The following RIC3 variants were observed in gnomAD, a reference collection of about 807,000 sequenced individuals.
The protein encoded by RIC3 is protein RIC-3.
RIC3 carries 28 observed loss-of-function variants against 27.3 expected under a neutral mutation model. The observed-to-expected ratio is 1.02, with a 90% CI of 0.76 to 1.41. The LOEUF (loss-of-function observed/expected upper bound fraction) is 1.41. Among genes scored for constraint, RIC3 ranks in the 40% most tolerant of loss-of-function variants. The pLI, the probability that RIC3 is intolerant of heterozygous loss-of-function variation, is 0.00. For missense variants in RIC3, 501 were observed against 444.7 expected, an observed-to-expected ratio of 1.13 and a Z score of -1.14; for synonymous variants, 184 against 160.4, an observed-to-expected ratio of 1.15 and a Z score of -1.11.
rs575704555 is a variant in RIC3 at position 8,108,339 on chromosome 11, C to T, written c.*2359G>A. The stretch of plus-strand genomic sequence containing the variant: ...GTTCTTTGCATGCCTCAAGGCCCAC[C>T]TCCCAAGAAACTGTGAAGTTTCTTG... On this transcript the variant is annotated 3_prime_UTR_variant, in exon 6 of 6. Transcript: ENST00000309737. 6.6e-6 allele frequency: 1 copy of T among 152,178 alleles called. No homozygotes were observed. The highest frequency in any genetic ancestry group is 1.5e-5 in the Non-Finnish European group (1 of 68,034). 9.4% of individuals were successfully genotyped at this position (152,178 alleles called of 1,614,324 possible).
chr11:8,155,009 A>AG (rs780232252), intron 1 of RIC3, among the ~76,000 whole-genome samples: 1 of 152,104 alleles, frequency 6.6e-6, no homozygotes, highest in Non-Finnish European at 1.5e-5. Flanking sequence ...GCTTGAGCCC[A>AG]GGAGTTCAAG....
chr11:8,097,180 GCTGC>G, the RIC3 span: 1 of 1,602,110 alleles, frequency 6.2e-7, no homozygotes. Flanking sequence ...ACCAATTTGG[GCTGC>G]TTAGGGTCCT....
intron 5 of RIC3, among the ~76,000 whole-genome samples, chr11:8,114,646 A>G (rs1564968150): frequency 2.0e-5 from 3 of 151,852 alleles, no homozygotes; most frequent in Admixed American, 2.0e-4. Flanking sequence ...AAGAAGACAC[A>G]TGAACTGCCT....
downstream of RIC3, chr11:8,102,561 A>C (rs1283199995): frequency 1.3e-5 from 2 of 152,162 alleles, no homozygotes; most frequent in African/African-American, 4.8e-5. Context: ...GCTGCCAGAG[A>C]ACCATTCCCA....
Position 8,108,134 on chromosome 11 carries a change from C to T in RIC3, c.*2564G>A, listed in dbSNP as rs767959848. On this transcript the variant is annotated 3_prime_UTR_variant, in exon 6 of 6. Transcript: ENST00000309737. ...CAAGAGCTAGGGCAGGAAGAACCAC[C>T]ATAAGGGCTTAGTACTTCTGGCAGG... The T allele has an allele frequency of 6.6e-6, 1 of 152,200 alleles. No individual in the cohort carries two copies. Among genetic ancestry groups the T allele is most frequent in the African/African-American group, 2.4e-5 (1 of 41,444 alleles). 9.4% of individuals were successfully genotyped at this position (152,200 alleles called of 1,614,324 possible). A position where few individuals can be genotyped will look rare whatever the true frequency, so the allele number is the denominator to read the frequency against.
chr11:8,100,457 G>A, the RIC3 span: 2 of 1,502,150 alleles, frequency 1.3e-6, no homozygotes, highest in African/African-American at 1.4e-5. Context: ...TTCTCCAGTA[G>A]GTAAATAGAC....
chr11:8,094,262 C>A, the RIC3 span: 1 of 1,502,176 alleles, frequency 6.7e-7, no homozygotes, highest in South Asian at 1.3e-5. Context: ...GGTTTGTCCT[C>A]CTGACTTGGA....
Position 8,110,538 on chromosome 11 carries a change from G to A in RIC3, c.*160C>T, listed in dbSNP as rs1188958125. 3 of 728,302 alleles carry A rather than the reference G, an allele frequency of 4.1e-6. No homozygotes were observed. The highest frequency in any genetic ancestry group is 2.0e-5 in the Admixed American group (1 of 50,612). The allele number at this position is 728,302 out of a possible 1,614,324, so 45.1% of individuals were successfully genotyped here. On this transcript the variant is annotated 3_prime_UTR_variant, in exon 6 of 6. Transcript: ENST00000309737. The stretch of plus-strand genomic sequence containing the variant: ...CCGTGTTTTACAAGGTGACAGGTGT[G>A]TGAGCACCAGGAAGGATACATGATA...
chr11:8,097,218 A>G, the RIC3 span: 1 of 1,613,750 alleles, frequency 6.2e-7, no homozygotes, highest in Non-Finnish European at 8.5e-7. Context: ...CCTATTCTGC[A>G]TCCCCATAGG....
At chr11:8,093,061 G>T in the RIC3 span, among the ~76,000 whole-genome samples, 2 of 152,150 alleles carry the variant, frequency 1.3e-5, no homozygotes, top group Non-Finnish European at 2.9e-5. Context: ...CTGCTTTCAC[G>T]GACCTTACAG....
At chr11:8,152,944 G>A (rs534587816) in intron 1 of RIC3, among the ~76,000 whole-genome samples, 3 of 152,058 alleles carry the variant, frequency 2.0e-5, no homozygotes, top group East Asian at 3.9e-4. Flanking sequence ...TGAGTAACAG[G>A]AGAAAGAAAG....
At chr11:8,116,880 C>T (rs1203795127) in intron 5 of RIC3, among the ~76,000 whole-genome samples, 1 of 152,116 alleles carries the variant, frequency 6.6e-6, no homozygotes, top group East Asian at 1.9e-4. Context: ...ATAGAACTAT[C>T]ATATGATCCA....
At chr11:8,097,365 G>A in the RIC3 span, 1 of 1,614,206 alleles carries the variant, frequency 6.2e-7, no homozygotes, top group Admixed American at 1.7e-5. Context: ...ACAAGAAAGG[G>A]ATGGACCGGG....
chr11:8,129,010 TC>T (rs978190332), intron 4 of RIC3, among the ~76,000 whole-genome samples: 4 of 152,170 alleles, frequency 2.6e-5, no homozygotes, highest in Middle Eastern at 3.4e-3. Context: ...CGCCTCGGCC[TC>T]CCAAAGTGCT....
chr11:8,138,356 T>A lies in RIC3; in HGVS notation c.352-9A>T. 1 of 1,591,190 alleles carries A rather than the reference T, an allele frequency of 6.3e-7. No individual in the cohort carries two copies. The highest frequency in any genetic ancestry group is 8.6e-7 in the Non-Finnish European group (1 of 1,159,550). Reference sequence around the variant, plus strand: ...GTTTTCCCCTTTGAGAGCTGAGAATTGAAGGAGGTATAGCACATCAACAGC... The same window carrying A: ...GTTTTCCCCTTTGAGAGCTGAGAATAGAAGGAGGTATAGCACATCAACAGC... On this transcript the variant is annotated splice_polypyrimidine_tract_variant and intron_variant, in intron 2 of 5. Coordinates refer to ENST00000309737, the MANE Select transcript of RIC3 (RefSeq NM_001206671.4).
chr11:8,146,326 C>T (rs1295839624), intron 1 of RIC3, among the ~76,000 whole-genome samples: 1 of 151,890 alleles, frequency 6.6e-6, no homozygotes, highest in African/African-American at 2.4e-5. Context: ...ACACACATAA[C>T]GATATTAATC....
chr11:8,123,402 C>A (rs1946674177), intron 5 of RIC3, among the ~76,000 whole-genome samples: 1 of 151,936 alleles, frequency 6.6e-6, no homozygotes, highest in African/African-American at 2.4e-5. Flanking sequence ...GAAAGAAACA[C>A]AAGTCAATGA....
Position 8,140,137 on chromosome 11 carries a change from G to A in RIC3, c.181C>T (p.Gln61Ter). Reference sequence around the variant, plus strand: ...CTCTGGAAACGAGCCCCAGGAGTCTGGCCATCTGAGGGTGCCTGGTGATGA... The same window carrying A: ...CTCTGGAAACGAGCCCCAGGAGTCTAGCCATCTGAGGGTGCCTGGTGATGA... ...MHHHQAPSDGQTPGARFQRSH... is the reference protein window; with the variant it reads ...MHHHQAPSDG Residue 61 changes from glutamine (Q) to a stop codon, truncating the protein, a stop_gained, in exon 2 of 6, where the codon CAG (glutamine) becomes TAG (stop). Coordinates refer to ENST00000309737, the MANE Select transcript of RIC3 (RefSeq NM_001206671.4). LOFTEE classifies it high-confidence loss of function. The A allele has an allele frequency of 6.2e-7, 1 of 1,614,058 alleles. No individual in the cohort carries two copies. Among genetic ancestry groups the A allele is most frequent in the Non-Finnish European group, 8.5e-7 (1 of 1,180,006 alleles).
chr11:8,158,659 A>G (rs1735301684), intron 1 of RIC3, among the ~76,000 whole-genome samples: 1 of 149,418 alleles, frequency 6.7e-6, no homozygotes, highest in Middle Eastern at 3.2e-3. Context: ...CAGGAGAATG[A>G]GATCTTAGTG....
Sources: allele counts gnomAD v4.1 joint callset (sites outside exome capture counted in the v4.1 genomes callset), GRCh38; gene constraint gnomAD v4.1.1; transcripts MANE v1.5; gene names NCBI Gene and HGNC (gene_info 2026-07-23, HGNC 2026-07-21).